Variants in PTPRA observed in about 807,000 individuals in gnomAD.
PTPRA encodes protein tyrosine phosphatase receptor type A.
Under a neutral mutation model 104.8 loss-of-function variants are expected in PTPRA, and 25 were observed. The observed-to-expected ratio is 0.24, with a 90% confidence interval of 0.17 to 0.33. The LOEUF is 0.33. Among genes scored for constraint, PTPRA ranks in the 10% least tolerant of loss-of-function variants. The pLI, the probability that PTPRA is intolerant of heterozygous loss-of-function variation, is 1.00. For synonymous variants in PTPRA, 323 were observed against 368.9 expected (o/e 0.88, Z 1.43); for missense variants, 765 against 1,015.3 (o/e 0.75, Z 3.35).
chr20:3,001,437 T>G (rs745620213), intron 9 of PTPRA, among the ~76,000 whole-genome samples: 1 of 152,220 alleles, frequency 6.6e-6, no homozygotes, highest in Non-Finnish European at 1.5e-5. Flanking sequence ...TTCCTGACAT[T>G]TTTGTATTGA....
rs532371598 is a variant in PTPRA at position 2,899,686 on chromosome 20, C to T, written c.-128-23521C>T. Among the ~76,000 whole-genome samples the T allele has an allele frequency of 3.9e-5, 6 of 152,244 alleles. No individual in the cohort carries two copies. The South Asian group carries it at 8.3e-4, about 21-fold the overall frequency. The stretch of plus-strand genomic sequence containing the variant: ...AAGAATGATTATATAGGTATGTATG[C>T]ATGTCTATACATACATATATACATC... On this transcript the variant is annotated intron_variant, in intron 1 of 23. Transcript: ENST00000399903.
At chr20:3,023,673 A>C (rs1389614258) in intron 16 of PTPRA, among the ~76,000 whole-genome samples, 1 of 152,184 alleles carries the variant, frequency 6.6e-6, no homozygotes, top group Admixed American at 6.5e-5. Context: ...ATTACCCTAT[A>C]GTCCTGCCAC....
At chr20:2,993,674 A>G (rs1212028353) in intron 9 of PTPRA, among the ~76,000 whole-genome samples, 1 of 152,238 alleles carries the variant, frequency 6.6e-6, no homozygotes, top group Non-Finnish European at 1.5e-5. Context: ...CTTCTGTAGC[A>G]CTTAAGATCC....
chr20:2,997,245 G>A (rs1255381513), intron 9 of PTPRA, among the ~76,000 whole-genome samples: 1 of 151,992 alleles, frequency 6.6e-6, no homozygotes, highest in African/African-American at 2.4e-5. Flanking sequence ...TGTCAACAGT[G>A]GCTGCCTACA....
intron 12 of PTPRA, among the ~76,000 whole-genome samples, chr20:3,016,164 T>A (rs895655485): frequency 2.0e-5 from 3 of 152,226 alleles, no homozygotes; most frequent in African/African-American, 7.2e-5. Context: ...AATAAGGCCC[T>A]CTGTCCTTGG....
chr20:3,001,441 G>A (rs2063620618), intron 9 of PTPRA, among the ~76,000 whole-genome samples: 1 of 152,188 alleles, frequency 6.6e-6, no homozygotes. Flanking sequence ...TGACATTTTT[G>A]TATTGAAGAC....
intron 1 of PTPRA, among the ~76,000 whole-genome samples, chr20:2,913,579 A>AAGTCATTAAC (rs1338237315): frequency 1.3e-5 from 2 of 152,188 alleles, no homozygotes; most frequent in Non-Finnish European, 2.9e-5. Context: ...TATTTTGAGG[A>AAGTCATTAAC]AGTCATTAAC....
chr20:3,022,029 C>T lies in PTPRA; in HGVS notation c.1162-25C>T, dbSNP rs375205216. The T allele has an allele frequency of 1.6e-5, 26 of 1,613,324 alleles. No homozygotes were observed. The highest frequency in any genetic ancestry group is 1.6e-4 in the Middle Eastern group (1 of 6,074). The stretch of plus-strand genomic sequence containing the variant: ...GCCCACCCTTGGGTATCAGGGCCAA[C>T]ACACAGGATCTCCTCACTTCACAGG... On this transcript the variant is annotated intron_variant, in intron 14 of 23. Coordinates refer to ENST00000399903, the MANE Select transcript of PTPRA (RefSeq NM_001385305.1). This position sits in a 1 kb window ranked among gnomAD's most constrained non-coding sequence, Gnocchi z 4.6.
At chr20:3,009,508 C>CA (rs779458061) in intron 11 of PTPRA, among the ~76,000 whole-genome samples, 1 of 151,906 alleles carries the variant, frequency 6.6e-6, no homozygotes, top group Non-Finnish European at 1.5e-5. Context: ...AGGTTGTGTC[C>CA]AAAAAATAGG....
At chr20:2,896,594 A>G (rs73084679) in intron 1 of PTPRA, among the ~76,000 whole-genome samples, 28,126 of 152,168 alleles carry the variant, frequency 0.18, 2,834 homozygotes, top group South Asian at 0.34. Context: ...AGTTGCAAAC[A>G]TAATGCTGTA....
the PTPRA span, chr20:2,865,142 C>A: frequency 6.2e-7 from 1 of 1,614,072 alleles, no homozygotes; most frequent in Non-Finnish European, 8.5e-7. The surrounding 1 kb of genome is among the most constrained non-coding windows in gnomAD (Gnocchi z 5.2). Flanking sequence ...TTATCCGGGT[C>A]CCCAGGCTAC....
rs547409958 is a variant in PTPRA at position 3,016,878 on chromosome 20, C to A, written c.944-938C>A. Reference sequence around the variant, plus strand: ...CTTATGATAGATGACATCATCTGATCCCCTTACAGAGCACCTCCCCCTCAG... The same window carrying A: ...CTTATGATAGATGACATCATCTGATACCCTTACAGAGCACCTCCCCCTCAG... On this transcript the variant is annotated intron_variant, in intron 12 of 23. Coordinates refer to ENST00000399903, the MANE Select transcript of PTPRA (RefSeq NM_001385305.1). 1.3e-4 allele frequency among the ~76,000 whole-genome samples: 20 copies of A among 152,326 alleles called. No individual in the cohort carries two copies. The South Asian group carries it at 1.4e-3, about 11-fold the overall frequency.
At chr20:2,998,678 G>A (rs1437393696) in intron 9 of PTPRA, among the ~76,000 whole-genome samples, 1 of 152,138 alleles carries the variant, frequency 6.6e-6, no homozygotes, top group Non-Finnish European at 1.5e-5. Flanking sequence ...TCACTCTAGT[G>A]TTCAGTCACT....
At position 3,027,807 on chromosome 20, in the gene PTPRA, T is replaced by C. The variant is rs2065220213; in HGVS notation, c.1886T>C (p.Ile629Thr). 1.1e-5 allele frequency: 18 copies of C among 1,614,036 alleles called. No individual in the cohort carries two copies. The highest frequency in any genetic ancestry group is 1.5e-5 in the Non-Finnish European group (18 of 1,180,052). The change falls in exon 20 of 24, where the codon ATC becomes ACC. Residue 629 changes from isoleucine to threonine, a missense_variant. By Grantham distance (89) the Ile-to-Thr change is moderately conservative. This residue lies in a region of PTPRA where 192 missense variants were observed against 227.0 expected (regional missense o/e 0.85). Transcript: ENST00000399903. The stretch of plus-strand genomic sequence containing the variant: ...ATCTGGGAGTGGAAATCCTGCTCTA[T>C]CGTGATGCTAACAGAACTGGAGGAG... ...RMIWEWKSCS[I>T]VMLTELEERG...
intron 20 of PTPRA, among the ~76,000 whole-genome samples, chr20:3,029,116 A>AT (rs11475978): frequency 0.02 from 681 of 33,456 alleles, 2 homozygotes; most frequent in South Asian, 0.13. Flanking sequence ...TTACATCAGG[A>AT]TTTTTTTTTT....
intron 9 of PTPRA, among the ~76,000 whole-genome samples, chr20:2,993,733 A>G (rs894085333): frequency 2.1e-4 from 32 of 152,224 alleles, no homozygotes; most frequent in African/African-American, 7.2e-4. Context: ...TCACTGCTCT[A>G]GGAGCTTACA....
At chr20:2,953,546 C>A (rs1366932010) in intron 3 of PTPRA, among the ~76,000 whole-genome samples, 1 of 152,056 alleles carries the variant, frequency 6.6e-6, no homozygotes, top group East Asian at 1.9e-4. Flanking sequence ...AGCCACTATG[C>A]CTGGCCATTT....
rs986622651 is a variant in PTPRA at position 3,037,835 on chromosome 20, GGGTCAGCTCT to G, written c.2335-212_2335-203del. ...TGCCTGTCTGACCTCTGTGGGGCCT[GGGTCAGCTCT>G]GGTCAGCTCTGCTTGTAGAAGGTCT... is the stretch of plus-strand genomic sequence containing the variant. On this transcript the variant is annotated intron_variant, in intron 23 of 23. Transcript: ENST00000399903. This position sits in a 1 kb window ranked among gnomAD's most constrained non-coding sequence, Gnocchi z 4.3. Among the ~76,000 whole-genome samples the G allele has an allele frequency of 6.6e-6, 1 of 152,196 alleles. No individual in the cohort carries two copies. The highest frequency in any genetic ancestry group is 1.5e-5 in the Non-Finnish European group (1 of 68,032).
intron 9 of PTPRA, 111 bp from the exon 10 acceptor site, chr20:3,004,945 T>C (rs974202495): frequency 1.0e-6 from 1 of 954,674 alleles, no homozygotes; most frequent in Non-Finnish European, 1.6e-6. Context: ...CCCATGTTTT[T>C]CCCCCCAGGA....
Sources: allele counts gnomAD v4.1 joint callset (sites outside exome capture counted in the v4.1 genomes callset), GRCh38; gene constraint gnomAD v4.1.1; regional missense constraint gnomAD v4.1.1; non-coding constraint Gnocchi (gnomAD v3.1); transcripts MANE v1.5; gene names NCBI Gene and HGNC (gene_info 2026-07-23, HGNC 2026-07-21).